The following MOB3A variants were observed in gnomAD, a reference collection of about 807,000 sequenced individuals.
MOB3A encodes the protein MOB kinase activator 3A.
Under a neutral mutation model 17.8 loss-of-function variants are expected in MOB3A, and 17 were observed. The ratio of observed to expected loss-of-function variants is 0.95; its 90% CI spans 0.65 to 1.43. The LOEUF (loss-of-function observed/expected upper bound fraction) is 1.43. MOB3A is among the 40% of genes most tolerant of loss of function. MOB3A has a pLI of 0.00. For synonymous variants in MOB3A, 124 were observed against 133.2 expected, an observed-to-expected ratio of 0.93 and a Z score of 0.48; for missense variants, 333 against 310.8, an observed-to-expected ratio of 1.07 and a Z score of -0.54.
At chr19:2,094,408 TC>T (rs962195903) in intron 1 of MOB3A, among the ~76,000 whole-genome samples, 2 of 151,986 alleles carry the variant, frequency 1.3e-5, no homozygotes, top group African/African-American at 4.8e-5. Flanking sequence ...ACATCCAGCT[TC>T]CCCTACATGA....
rs531544723 is a variant in MOB3A at position 2,082,319 on chromosome 19, A to G, written c.-120+2856T>C. On this transcript the variant is annotated intron_variant, in intron 2 of 4. Transcript: ENST00000357066. This position sits in a 1 kb window ranked among gnomAD's most constrained non-coding sequence, Gnocchi z 4.1. ...CCGTCAGGGGCACTGCAAGGTGCTGAGCGGCATCCCTGGCCGCCGCCCCTC... is the reference window on the plus strand; with the variant it reads ...CCGTCAGGGGCACTGCAAGGTGCTGGGCGGCATCCCTGGCCGCCGCCCCTC... Among the ~76,000 whole-genome samples the G allele has an allele frequency of 9.8e-4, 149 of 152,308 alleles. No individual in the cohort carries two copies. The highest frequency in any genetic ancestry group is 3.0e-3 in the African/African-American group (124 of 41,576).
At chr19:2,083,051 T>C (rs938087247) in intron 2 of MOB3A, among the ~76,000 whole-genome samples, 2 of 152,224 alleles carry the variant, frequency 1.3e-5, no homozygotes, top group Admixed American at 6.5e-5. Context: ...CTCACTATGT[T>C]GCCTAGGCTG....
Position 2,078,274 on chromosome 19 carries a change from T to C in MOB3A, c.287A>G (p.Lys96Arg). 6.2e-7 allele frequency: 1 copy of C among 1,614,114 alleles called. No homozygotes were observed. Among genetic ancestry groups the C allele is most frequent in the Non-Finnish European group, 8.5e-7 (1 of 1,180,004 alleles). The change falls in exon 3 of 5, where the codon AAG becomes AGG. Residue 96 changes from lysine (K) to arginine (R), a missense_variant. By Grantham distance (26) the Lys-to-Arg change is conservative. Coordinates refer to ENST00000357066, the MANE Select transcript of MOB3A (RefSeq NM_130807.3). ...QSCPVMSGGP[K>R]YEYRWQDEHK... ...CTCATCCTGCCAGCGGTACTCATAC[T>C]TGGGGCCCCCCGACATGACGGGGCA...
At chr19:2,080,508 G>C (rs1178921555) in intron 2 of MOB3A, among the ~76,000 whole-genome samples, 2 of 152,000 alleles carry the variant, frequency 1.3e-5, no homozygotes, top group Non-Finnish European at 2.9e-5. Context: ...CTCCCGAGTA[G>C]CTGGCACTAC....
At position 2,078,257 on chromosome 19, in the gene MOB3A, G is replaced by C. The variant is rs780713213; in HGVS notation, c.304C>G (p.Gln102Glu). The C allele has an allele frequency of 6.2e-7, 1 of 1,614,102 alleles. No homozygotes were observed. The highest frequency in any genetic ancestry group is 1.1e-5 in the South Asian group (1 of 91,082). Residue 102 changes from glutamine (Q) to glutamate (E), a missense_variant, in exon 3 of 5, where the codon CAG becomes GAG. Physicochemically the swap from Gln to Glu is conservative, Grantham distance 29 (BLOSUM62 2). Transcript: ENST00000357066. ...SGGPKYEYRW[Q>E]DEHKFRKPTA... The stretch of plus-strand genomic sequence containing the variant: ...GGCTTCCGGAACTTATGCTCATCCT[G>C]CCAGCGGTACTCATACTTGGGGCCC...
chr19:2,073,934 GGGA>G (rs2017371713), intron 4 of MOB3A, among the ~76,000 whole-genome samples: 1 of 152,146 alleles, frequency 6.6e-6, no homozygotes, highest in South Asian at 2.1e-4. Context: ...AGGAGGCTGA[GGGA>G]GGAGAATCGC....
In MOB3A at chr19:2,078,317, C is replaced by T. The variant is rs772099363; in HGVS notation, c.244G>A (p.Gly82Ser). ...ACGGGGCAGGACTGCTCCGTGCAGC[C>T]GTCGCTGATGGTGCCGTAGATGAGG... ...VNLIYGTISD[G>S]CTEQSCPVMS... Residue 82 changes from glycine (G) to serine (S), a missense_variant, in exon 3 of 5, where the codon GGC becomes AGC. Coordinates refer to ENST00000357066, the MANE Select transcript of MOB3A (RefSeq NM_130807.3). The T allele has an allele frequency of 9.3e-6, 15 of 1,614,170 alleles. No homozygotes were observed. Among genetic ancestry groups the T allele is most frequent in the Admixed American group, 3.3e-5 (2 of 60,008 alleles).
chr19:2,076,953 C>T lies in MOB3A; in HGVS notation c.482G>A (p.Arg161His). 1.9e-6 allele frequency: 3 copies of T among 1,613,880 alleles called. No individual in the cohort carries two copies. The highest frequency in any genetic ancestry group is 8.5e-7 in the Non-Finnish European group (1 of 1,179,986). The change falls in exon 4 of 5, where the codon CGC becomes CAC. Residue 161 changes from arginine (R) to histidine (H), a missense_variant. Transcript: ENST00000357066. Reference protein sequence around the residue: ...TVRKILSRLFRVFVHVYIHHF... With the variant: ...TVRKILSRLFHVFVHVYIHHF... ...GTGGATGTAGACGTGCACGAACACG[C>T]GGAACAGCCGCGACAGGATCTTCCG...
rs1348703038 is a variant in MOB3A at position 2,082,693 on chromosome 19, G to A, written c.-120+2482C>T. ...TCCCGGGCCAGCGCTGCTCCACCAC[G>A]GGGCCCCTCCACTGCCTAGCAGAGC... On this transcript the variant is annotated intron_variant, in intron 2 of 4. Coordinates refer to ENST00000357066, the MANE Select transcript of MOB3A (RefSeq NM_130807.3). The surrounding 1 kb of genome is among the most constrained non-coding windows in gnomAD (Gnocchi z 4.1). Among the ~76,000 whole-genome samples, 7 of 152,156 alleles carry A rather than the reference G, an allele frequency of 4.6e-5. No individual in the cohort carries two copies. Among genetic ancestry groups the A allele is most frequent in the Admixed American group, 3.3e-4 (5 of 15,272 alleles).
chr19:2,082,971 A>AT lies in MOB3A; in HGVS notation c.-120+2203dup, dbSNP rs1294933090. Among the ~76,000 whole-genome samples the AT allele has an allele frequency of 6.6e-6, 1 of 150,844 alleles. No individual in the cohort carries two copies. Among genetic ancestry groups the AT allele is most frequent in the Non-Finnish European group, 1.5e-5 (1 of 67,880 alleles). On this transcript the variant is annotated intron_variant, in intron 2 of 4. Transcript: ENST00000357066. The surrounding 1 kb of genome is among the most constrained non-coding windows in gnomAD (Gnocchi z 4.1). The stretch of plus-strand genomic sequence containing the variant: ...GGGACCACGGGCACTCACTGCCATA[A>AT]TTTTTTATAATTTTTTCACCACCAG...
At position 2,078,180 on chromosome 19, in the gene MOB3A, C is replaced by T. The variant is rs1361870443; in HGVS notation, c.381G>A (p.Glu127=). The T allele has an allele frequency of 6.3e-7, 1 of 1,598,998 alleles. No homozygotes were observed. Residue 127 remains glutamate, a synonymous_variant, in exon 3 of 5, where the codon GAG becomes GAA. Transcript: ENST00000357066. ...RYMDLLMDWI[E]AQINNEDLFP... is the part of the protein sequence containing the mutation. The stretch of plus-strand genomic sequence containing the variant: ...AGAGGTCCTCGTTGTTGATCTGCGC[C>T]TCGATCCAGTCCATCAGCAGGTCCA...
intron 1 of MOB3A, among the ~76,000 whole-genome samples, chr19:2,092,088 T>TTG (rs2017620332): frequency 6.7e-6 from 1 of 149,948 alleles, no homozygotes; most frequent in Admixed American, 6.6e-5. Context: ...AAAGGTTTTT[T>TTG]TTTTTTTTTT....
In MOB3A at chr19:2,073,165, TAC is replaced by T. The variant is rs934776418; in HGVS notation, c.*228_*229del. The stretch of plus-strand genomic sequence containing the variant: ...TCCGGTTGCTAGTAACACATAGAAT[TAC>T]AGAGTTCACGTTTTAGTCCCAGACG... On this transcript the variant is annotated 3_prime_UTR_variant, in exon 5 of 5. Coordinates refer to ENST00000357066, the MANE Select transcript of MOB3A (RefSeq NM_130807.3). 3.3e-6 allele frequency: 2 copies of T among 608,854 alleles called. No homozygotes were observed. The allele number at this position is 608,854 out of a possible 1,614,324, so 37.7% of individuals were successfully genotyped here. A position where few individuals can be genotyped will look rare whatever the true frequency, so the allele number is the denominator to read the frequency against.
At position 2,076,900 on chromosome 19, in the gene MOB3A, A is replaced by G. The variant is rs761111804; in HGVS notation, c.535T>C (p.Ser179Pro). ...HHFDRIAQMG[S>P]EAHVNTCYKH... ...TAGCAGGTGTTCACGTGGGCCTCGG[A>G]GCCCATCTGCGCGATGCGGTCAAAG... The change falls in exon 4 of 5, where the codon TCC becomes CCC. Residue 179 changes from serine (S) to proline (P), a missense_variant. Ser to Pro is a moderately conservative substitution (Grantham distance 74, BLOSUM62 -1). Coordinates refer to ENST00000357066, the MANE Select transcript of MOB3A (RefSeq NM_130807.3). The G allele has an allele frequency of 6.2e-7, 1 of 1,614,090 alleles. No individual in the cohort carries two copies. The highest frequency in any genetic ancestry group is 1.1e-5 in the South Asian group (1 of 91,090).
At chr19:2,073,630 A>C (rs1400198579) in intron 4 of MOB3A, among the ~76,000 whole-genome samples, 2 of 152,116 alleles carry the variant, frequency 1.3e-5, no homozygotes, top group East Asian at 3.8e-4. Context: ...CAGCATTTTC[A>C]GATCTGTGGG....
intron 1 of MOB3A, among the ~76,000 whole-genome samples, chr19:2,086,892 A>G (rs763870963): frequency 1.7e-4 from 26 of 152,116 alleles, no homozygotes; most frequent in Non-Finnish European, 3.4e-4. Context: ...CCCGGGCTCA[A>G]GTGATCCTCC....
chr19:2,078,236 T>C lies in MOB3A; in HGVS notation c.325A>G (p.Lys109Glu). ...CTGGGCGCGGAGAGTGCCGTGGGCTTCCGGAACTTATGCTCATCCTGCCAG... is the reference window on the plus strand; with the variant it reads ...CTGGGCGCGGAGAGTGCCGTGGGCTCCCGGAACTTATGCTCATCCTGCCAG... Reference protein sequence around the residue: ...YRWQDEHKFRKPTALSAPRYM... With the variant: ...YRWQDEHKFREPTALSAPRYM... The change falls in exon 3 of 5, where the codon AAG becomes GAG. Residue 109 changes from lysine to glutamate, a missense_variant. Transcript: ENST00000357066. 3 of 1,613,960 alleles carry C rather than the reference T, an allele frequency of 1.9e-6. No individual in the cohort carries two copies. Among genetic ancestry groups the C allele is most frequent in the Non-Finnish European group, 2.5e-6 (3 of 1,179,902 alleles).
chr19:2,087,559 G>A (rs574918042), intron 1 of MOB3A, among the ~76,000 whole-genome samples: 1 of 152,348 alleles, frequency 6.6e-6, no homozygotes, highest in East Asian at 1.9e-4. Flanking sequence ...GGAGGCTGAG[G>A]TGGGAGGATT....
chr19:2,089,490 C>T (rs569518739), intron 1 of MOB3A, among the ~76,000 whole-genome samples: 126 of 151,932 alleles, frequency 8.3e-4, no homozygotes, highest in Admixed American at 1.6e-3. Context: ...GGAGCACCCC[C>T]AGTCATGAGA....
Sources: gnomAD v4.1 joint callset for allele counts (sites outside exome capture counted in the v4.1 genomes callset) on GRCh38, gnomAD v4.1.1 for gene constraint, Gnocchi (gnomAD v3.1) non-coding constraint, MANE v1.5 for transcripts, NCBI Gene and HGNC (gene_info 2026-07-23, HGNC 2026-07-21) for gene names.